CSMD1: variants seen among roughly 807,000 people sequenced by gnomAD.
CSMD1 encodes CUB and Sushi multiple domains 1, also known as CUB and sushi domain-containing protein 1.
CSMD1 carries 213 observed loss-of-function variants against 417.5 expected under a neutral mutation model. That is an observed-to-expected ratio of 0.51 (90% CI 0.46 to 0.57). The LOEUF (loss-of-function observed/expected upper bound fraction) is 0.57, where lower values mean the gene tolerates loss of function less well. Ranked by LOEUF, CSMD1 falls within the 20% of genes least tolerant of loss-of-function variation. The probability of loss-of-function intolerance (pLI) is 0.00; values close to 1 mark genes in which losing one functional copy is unlikely to be tolerated. For synonymous variants in CSMD1, 2,862 were observed against 1,736.8 expected (o/e 1.65, Z -16.11); for missense variants, 6,923 against 4,529.7 (o/e 1.53, Z -15.17).
intron 9 of CSMD1, among the ~76,000 whole-genome samples, chr8:3,582,916 T>A (rs1043250686): frequency 5.9e-5 from 9 of 152,322 alleles, no homozygotes; most frequent in Middle Eastern, 3.4e-3. Flanking sequence ...AGCACTAACT[T>A]AGGTGCTCCT....
chr8:4,295,722 A>G (rs972452986), intron 3 of CSMD1, among the ~76,000 whole-genome samples: 6 of 139,564 alleles, frequency 4.3e-5, no homozygotes, highest in East Asian at 2.1e-4. Context: ...AAAATTATAT[A>G]TATCTGTGTG....
chr8:3,427,280 C>A (rs1330478739), intron 12 of CSMD1, among the ~76,000 whole-genome samples: 1 of 152,094 alleles, frequency 6.6e-6, no homozygotes, highest in Admixed American at 6.5e-5. Context: ...TCATCGCAAA[C>A]CACAAAATGA....
intron 1 of CSMD1, among the ~76,000 whole-genome samples, chr8:4,727,941 A>C (rs1201514265): frequency 3.2e-5 from 4 of 124,992 alleles, no homozygotes; most frequent in East Asian, 2.3e-4. Flanking sequence ...ATATATATAC[A>C]AAATATATAT....
rs74442833 is a variant in CSMD1 at position 3,708,551 on chromosome 8, G to C, written c.932-60C>G. 7,830 of 1,411,110 alleles carry C rather than the reference G, an allele frequency of 5.5e-3. 332 individuals carry two copies. The African/African-American group carries it at 0.096, about 17-fold the overall frequency. 87.4% of individuals were successfully genotyped at this position (1,411,110 alleles called of 1,614,324 possible). A position where few individuals can be genotyped will look rare whatever the true frequency, so the allele number is the denominator to read the frequency against. On this transcript the variant is annotated intron_variant, in intron 6 of 69. Transcript: ENST00000635120. ...GACTTGGAGATCATAAAACCATGTT[G>C]TATCCACACAGCACTTCCAGTCATA...
At chr8:3,168,919 TTCTC>T (rs57348944) in intron 37 of CSMD1, among the ~76,000 whole-genome samples, 25,792 of 150,358 alleles carry the variant, frequency 0.17, 2,825 homozygotes, top group East Asian at 0.56. Context: ...AAGTAAAATG[TTCTC>T]TCTCTCTCTC....
intron 3 of CSMD1, among the ~76,000 whole-genome samples, chr8:4,088,320 T>G (rs1460216074): frequency 6.6e-6 from 1 of 152,228 alleles, no homozygotes; most frequent in African/African-American, 2.4e-5. Flanking sequence ...TAGAGTTCAC[T>G]TTTGATTTAC....
intron 3 of CSMD1, among the ~76,000 whole-genome samples, chr8:4,068,816 G>C (rs1314007102): frequency 3.9e-5 from 6 of 152,114 alleles, no homozygotes; most frequent in African/African-American, 7.2e-5. Flanking sequence ...TGAATTCATG[G>C]TATCAGTGAC....
At chr8:4,387,349 A>G (rs553817602) in intron 3 of CSMD1, among the ~76,000 whole-genome samples, 90 of 152,228 alleles carry the variant, frequency 5.9e-4, no homozygotes, top group African/African-American at 1.9e-3. Context: ...ATGAGCCTAC[A>G]CTCAGAAGTG....
At chr8:3,637,154 C>A (rs1797091162) in intron 7 of CSMD1, among the ~76,000 whole-genome samples, 1 of 152,126 alleles carries the variant, frequency 6.6e-6, no homozygotes, top group African/African-American at 2.4e-5. Flanking sequence ...TCTGTTATAG[C>A]AACACAAAAT....
intron 2 of CSMD1, among the ~76,000 whole-genome samples, chr8:4,558,198 G>T (rs749654191): frequency 3.9e-5 from 6 of 152,168 alleles, no homozygotes; most frequent in Non-Finnish European, 8.8e-5. Context: ...AGAGCAGGAT[G>T]TGATGTAATG....
intron 3 of CSMD1, among the ~76,000 whole-genome samples, chr8:4,166,766 G>T (rs991619295): frequency 6.6e-6 from 1 of 152,102 alleles, no homozygotes; most frequent in Admixed American, 6.6e-5. Context: ...CATAAAAAAA[G>T]CAAAATGTAG....
chr8:3,703,418 A>AGC (rs1800982099), intron 7 of CSMD1, among the ~76,000 whole-genome samples: 1 of 448 alleles, frequency 2.2e-3, no homozygotes, highest in African/African-American at 0.062. Context: ...TCCAAAGCAC[A>AGC]GAGATTCCTT....
intron 5 of CSMD1, among the ~76,000 whole-genome samples, chr8:3,868,014 C>A (rs564892890): frequency 6.6e-6 from 1 of 152,252 alleles, no homozygotes; most frequent in African/African-American, 2.4e-5. Flanking sequence ...CTCATCCTTC[C>A]TTCTCCAATC....
chr8:3,313,650 G>T (rs1805529857), intron 23 of CSMD1, among the ~76,000 whole-genome samples: 1 of 152,178 alleles, frequency 6.6e-6, no homozygotes, highest in African/African-American at 2.4e-5. Context: ...GGAGAAATAG[G>T]AACACTTTCA....
In CSMD1 at chr8:4,718,865, T is replaced by A. The variant is rs536932744; in HGVS notation, c.86-81307A>T. Reference sequence around the variant, plus strand: ...TAATACTCCCTAAAAAGTACCAAAATGTAAATGAATGAAAATACGTATCTT... The same window carrying A: ...TAATACTCCCTAAAAAGTACCAAAAAGTAAATGAATGAAAATACGTATCTT... On this transcript the variant is annotated intron_variant, in intron 1 of 69. Coordinates refer to ENST00000635120, the MANE Select transcript of CSMD1 (RefSeq NM_033225.6). 3.9e-5 allele frequency among the ~76,000 whole-genome samples: 6 copies of A among 152,062 alleles called. No homozygotes were observed. In the East Asian group the frequency reaches 1.2e-3, roughly 29 times the overall value.
At chr8:3,296,533 A>C (rs1803980642) in intron 25 of CSMD1, among the ~76,000 whole-genome samples, 1 of 152,174 alleles carries the variant, frequency 6.6e-6, no homozygotes, top group South Asian at 2.1e-4. Flanking sequence ...CAATTTAAAG[A>C]ACTGGCCGTG....
chr8:3,678,736 C>T (rs1207772953), intron 7 of CSMD1, among the ~76,000 whole-genome samples: 1 of 152,084 alleles, frequency 6.6e-6, no homozygotes, highest in Non-Finnish European at 1.5e-5. Flanking sequence ...ACATAATTGT[C>T]AGATTCACCA....
chr8:4,092,461 A>G (rs1800771277), intron 3 of CSMD1, among the ~76,000 whole-genome samples: 1 of 152,222 alleles, frequency 6.6e-6, no homozygotes, highest in South Asian at 2.1e-4. Context: ...TGACACTCTT[A>G]TCTTTGGTAA....
Position 2,947,405 on chromosome 8 carries a change from G to A in CSMD1, c.10402+1894C>T, listed in dbSNP as rs151086314. Among the ~76,000 whole-genome samples the A allele has an allele frequency of 5.3e-3, 804 of 152,230 alleles. 5 individuals carry two copies. Among genetic ancestry groups the A allele is most frequent in the African/African-American group, 0.018 (760 of 41,530 alleles). ...TGAATGGTTGCTGTTGCAGAATTAC[G>A]TAAACACAAACTTTTCTAATTAGTT... is the stretch of plus-strand genomic sequence containing the variant. On this transcript the variant is annotated intron_variant, in intron 68 of 69. Coordinates refer to ENST00000635120, the MANE Select transcript of CSMD1 (RefSeq NM_033225.6).
Sources: allele counts gnomAD v4.1 joint callset (sites outside exome capture counted in the v4.1 genomes callset), GRCh38; gene constraint gnomAD v4.1.1; transcripts MANE v1.5; gene names NCBI Gene and HGNC (gene_info 2026-07-23, HGNC 2026-07-21).